Variants in PDE3B observed in about 807,000 individuals in gnomAD.
PDE3B encodes the protein phosphodiesterase 3B.
Under a neutral mutation model 116.8 loss-of-function variants are expected in PDE3B, and 66 were observed. The observed-to-expected ratio is 0.56, with a 90% CI of 0.46 to 0.69. The LOEUF (loss-of-function observed/expected upper bound fraction) is 0.69. Among genes scored for constraint, PDE3B ranks in the 30% least tolerant of loss-of-function variants. The pLI is 0.00. For synonymous variants in PDE3B, 595 were observed against 533.6 expected, an observed-to-expected ratio of 1.12 and a Z score of -1.59; for missense variants, 1,384 against 1,368.1, an observed-to-expected ratio of 1.01 and a Z score of -0.18.
Position 14,834,995 on chromosome 11 carries a change from A to C in PDE3B, c.2220A>C (p.Ile740=), listed in dbSNP as rs578253104. ...GYRDIPYHNR[I]HATDVLHAVW... The stretch of plus-strand genomic sequence containing the variant: ...TGGTGACTTTAGATCACAATCGTAT[A>C]CATGCCACAGATGTGCTACATGCAG... Residue 740 remains isoleucine (I), a synonymous_variant, in exon 11 of 16, where the codon ATA becomes ATC. Transcript: ENST00000282096. The C allele has an allele frequency of 6.2e-7, 1 of 1,609,102 alleles. No individual in the cohort carries two copies. Among genetic ancestry groups the C allele is most frequent in the East Asian group, 2.2e-5 (1 of 44,812 alleles).
At chr11:14,891,853 G>A in the PDE3B span, 1 of 1,414,776 alleles carries the variant, frequency 7.1e-7, no homozygotes, top group Non-Finnish European at 9.4e-7. Flanking sequence ...GTCCCTCAAA[G>A]GGCAGCCGGC....
chr11:14,739,216 T>C (rs755727635), intron 1 of PDE3B, among the ~76,000 whole-genome samples: 16 of 152,232 alleles, frequency 1.1e-4, no homozygotes, highest in Non-Finnish European at 1.8e-4. Flanking sequence ...TTCACAATAT[T>C]GATTCTTCCT....
At chr11:14,860,560 AT>A (rs1234721014) in intron 13 of PDE3B, among the ~76,000 whole-genome samples, 1 of 152,046 alleles carries the variant, frequency 6.6e-6, no homozygotes, top group Non-Finnish European at 1.5e-5. Flanking sequence ...TGAACAAGGC[AT>A]TTTTTCATTT....
chr11:14,838,603 T>A (rs1860133671), intron 11 of PDE3B, among the ~76,000 whole-genome samples: 1 of 152,200 alleles, frequency 6.6e-6, no homozygotes. Flanking sequence ...GGGAAATAAT[T>A]CACTTCTAAA....
intron 1 of PDE3B, among the ~76,000 whole-genome samples, chr11:14,687,556 T>TC (rs1400682965): frequency 6.6e-6 from 1 of 152,194 alleles, no homozygotes; most frequent in East Asian, 1.9e-4. Flanking sequence ...GATTGGTTTT[T>TC]CTGTCACCCA....
chr11:14,783,588 A>G (rs1373205966), intron 2 of PDE3B, among the ~76,000 whole-genome samples: 3 of 152,024 alleles, frequency 2.0e-5, no homozygotes, highest in Admixed American at 1.3e-4. Flanking sequence ...GAAGGGGAAC[A>G]TCACACACCG....
At chr11:14,650,967 C>G (rs1210013159) in intron 1 of PDE3B, among the ~76,000 whole-genome samples, 1 of 151,632 alleles carries the variant, frequency 6.6e-6, no homozygotes, top group Non-Finnish European at 1.5e-5. Context: ...TATTTTATGC[C>G]TTTGAATTTG....
At chr11:14,651,234 G>T (rs569434227) in intron 1 of PDE3B, among the ~76,000 whole-genome samples, 1 of 152,072 alleles carries the variant, frequency 6.6e-6, no homozygotes, top group Non-Finnish European at 1.5e-5. Context: ...CTTCATCTTC[G>T]CATGGCATTC....
rs973299579 is a variant in PDE3B at position 14,718,502 on chromosome 11, A to G, written c.979-53435A>G. ...AGCACCACACCACACCTATTCCAAA[A>G]TTGACCACATAGTTGGAAGTAAAGC... On this transcript the variant is annotated intron_variant, in intron 1 of 15. Transcript: ENST00000282096. Among the ~76,000 whole-genome samples the G allele has an allele frequency of 8.0e-5, 12 of 149,120 alleles. No individual in the cohort carries two copies. The East Asian group carries it at 1.8e-3, about 22-fold the overall frequency.
chr11:14,793,854 C>T (rs1048460657), intron 4 of PDE3B, among the ~76,000 whole-genome samples: 1 of 152,156 alleles, frequency 6.6e-6, no homozygotes, highest in Admixed American at 6.6e-5. Flanking sequence ...TTATCAGAGA[C>T]TTACACCAAG....
intron 1 of PDE3B, among the ~76,000 whole-genome samples, chr11:14,760,521 C>T (rs917027963): frequency 1.3e-5 from 2 of 152,114 alleles, no homozygotes; most frequent in African/African-American, 2.4e-5. Context: ...GTGCTGCCAG[C>T]CTAATGGGTT....
At chr11:14,661,111 C>T (rs566626646) in intron 1 of PDE3B, among the ~76,000 whole-genome samples, 31 of 152,304 alleles carry the variant, frequency 2.0e-4, no homozygotes, top group African/African-American at 4.6e-4. Context: ...GACAGTGTGA[C>T]GATTCCTCAG....
intron 11 of PDE3B, among the ~76,000 whole-genome samples, chr11:14,839,688 A>G (rs555741854): frequency 1.3e-5 from 2 of 152,216 alleles, no homozygotes; most frequent in African/African-American, 4.8e-5. Flanking sequence ...ATACACTTCT[A>G]TTGTCTTAGT....
intron 6 of PDE3B, 69 bp downstream of exon 6, chr11:14,818,462 G>A: frequency 9.5e-7 from 1 of 1,052,822 alleles, no homozygotes; most frequent in Non-Finnish European, 1.4e-6. Flanking sequence ...CAACATTTTG[G>A]ATAGGTTCTT....
chr11:14,677,659 C>T (rs1302563928), intron 1 of PDE3B, among the ~76,000 whole-genome samples: 50 of 152,078 alleles, frequency 3.3e-4, no homozygotes, highest in Non-Finnish European at 1.5e-5. Context: ...CCATTACTTC[C>T]AGAAGTTCCC....
chr11:14,895,051 T>G, the PDE3B span, among the ~76,000 whole-genome samples: 3 of 152,240 alleles, frequency 2.0e-5, no homozygotes, highest in African/African-American at 7.2e-5. Context: ...AGCCTCTTTC[T>G]GGGCCTTTGG....
At chr11:14,884,790 C>T in the PDE3B span, among the ~76,000 whole-genome samples, 2 of 151,942 alleles carry the variant, frequency 1.3e-5, no homozygotes, top group Non-Finnish European at 2.9e-5. Context: ...ACAGTCTAAA[C>T]AATAAATTTA....
At chr11:14,836,468 A>G (rs1860058409) in intron 11 of PDE3B, among the ~76,000 whole-genome samples, 2 of 151,724 alleles carry the variant, frequency 1.3e-5, no homozygotes, top group South Asian at 4.2e-4. Flanking sequence ...GTAGTTTTTT[A>G]CTGGTTTCTA....
intron 4 of PDE3B, among the ~76,000 whole-genome samples, chr11:14,798,254 A>G (rs1479104819): frequency 6.6e-6 from 1 of 152,156 alleles, no homozygotes; most frequent in East Asian, 1.9e-4. Context: ...TGTATGTTGA[A>G]CCAGCCTTGC....
Sources: gnomAD v4.1 joint callset for allele counts (sites outside exome capture counted in the v4.1 genomes callset) on GRCh38, gnomAD v4.1.1 for gene constraint, MANE v1.5 for transcripts, NCBI Gene and HGNC (gene_info 2026-07-23, HGNC 2026-07-21) for gene names.